The following PLA2R1 variants were observed in gnomAD, a reference collection of about 807,000 sequenced individuals.
PLA2R1 encodes phospholipase A2 receptor 1, also known as secretory phospholipase A2 receptor.
A neutral mutation model predicts 195.9 loss-of-function variants in PLA2R1; 158 were observed. The observed-to-expected ratio is 0.81, with a 90% CI of 0.71 to 0.92. The LOEUF (loss-of-function observed/expected upper bound fraction) is 0.92. PLA2R1 is among the 40% of genes least tolerant of loss of function. The pLI, the probability that PLA2R1 is intolerant of heterozygous loss-of-function variation, is 0.00. For missense variants in PLA2R1, 1,626 were observed against 1,764.6 expected, an observed-to-expected ratio of 0.92 and a Z score of 1.41; for synonymous variants, 586 against 598.2, an observed-to-expected ratio of 0.98 and a Z score of 0.30.
At chr2:159,925,234 TTG>T in the PLA2R1 span, among the ~76,000 whole-genome samples, 6 of 152,032 alleles carry the variant, frequency 3.9e-5, no homozygotes, top group South Asian at 2.1e-4. Flanking sequence ...CATGTCTTAA[TTG>T]TGTTACGGCA....
chr2:159,928,451 G>C (rs1686530368), downstream of PLA2R1, among the ~76,000 whole-genome samples: 1 of 152,148 alleles, frequency 6.6e-6, no homozygotes, highest in South Asian at 2.1e-4. Flanking sequence ...ACTTAACCAA[G>C]GAGGTGAAAG....
At chr2:160,013,414 AT>A in intron 9 of PLA2R1, 39 bp from the exon 10 acceptor site, 2 of 1,126,672 alleles carry the variant, frequency 1.8e-6, no homozygotes, top group Non-Finnish European at 1.3e-6. Context: ...ACACAATCTC[AT>A]TTAGTTAAAT....
At chr2:159,970,935 C>G in intron 17 of PLA2R1, among the ~76,000 whole-genome samples, 1 of 133,666 alleles carries the variant, frequency 7.5e-6, no homozygotes. Context: ...GGGAACATCA[C>G]ACACTGGGGC....
At chr2:159,997,644 T>C (rs1691303863) in intron 11 of PLA2R1, among the ~76,000 whole-genome samples, 1 of 152,088 alleles carries the variant, frequency 6.6e-6, no homozygotes, top group Non-Finnish European at 1.5e-5. Flanking sequence ...GAGTTGTCTG[T>C]GTTGAGCCTC....
Position 159,934,772 on chromosome 2 carries a change from A to T in PLA2R1, c.*7006T>A, listed in dbSNP as rs945527523. The T allele has an allele frequency of 6.6e-6, 1 of 152,194 alleles. No homozygotes were observed. Among genetic ancestry groups the T allele is most frequent in the Non-Finnish European group, 1.5e-5 (1 of 68,030 alleles). 9.4% of individuals were successfully genotyped at this position (152,194 alleles called of 1,614,324 possible). ...TGTACAGCCTCCTTCAGCTTCTTCT[A>T]ATGGTACATCTCATAAAACCATGGT... is the stretch of plus-strand genomic sequence containing the variant. On this transcript the variant is annotated 3_prime_UTR_variant, in exon 30 of 30. Coordinates refer to ENST00000283243, the MANE Select transcript of PLA2R1 (RefSeq NM_007366.5).
intron 8 of PLA2R1, among the ~76,000 whole-genome samples, chr2:160,019,741 C>G (rs894366369): frequency 3.3e-5 from 5 of 152,172 alleles, no homozygotes; most frequent in African/African-American, 4.8e-5. Context: ...TCTTGGTCTG[C>G]CTTTGGGCCT....
At chr2:159,954,614 CAGCATTCAGTAAA>C (rs1386154597) in intron 23 of PLA2R1, among the ~76,000 whole-genome samples, 1 of 151,930 alleles carries the variant, frequency 6.6e-6, no homozygotes, top group East Asian at 1.9e-4. Flanking sequence ...CAGGGATACC[CAGCATTCAGTAAA>C]AGCATGAGCT....
intron 17 of PLA2R1, among the ~76,000 whole-genome samples, chr2:159,971,537 A>G (rs1158058620): frequency 1.3e-5 from 2 of 152,054 alleles, no homozygotes; most frequent in African/African-American, 4.8e-5. Context: ...TGACCCAGGA[A>G]ATTGAAATTC....
In PLA2R1 at chr2:160,039,042, T is replaced by C. The variant is rs571327298; in HGVS notation, c.667+2983A>G. Among the ~76,000 whole-genome samples, 22 of 152,162 alleles carry C rather than the reference T, an allele frequency of 1.4e-4. No homozygotes were observed. The South Asian group carries it at 2.9e-3, about 20-fold the overall frequency. Reference sequence around the variant, plus strand: ...CCACCACACCCAGCTAATTTTGTATTTTTAGTAGAGATGGGATTTCACCAT... The same window carrying C: ...CCACCACACCCAGCTAATTTTGTATCTTTAGTAGAGATGGGATTTCACCAT... On this transcript the variant is annotated intron_variant, in intron 3 of 29. Coordinates refer to ENST00000283243, the MANE Select transcript of PLA2R1 (RefSeq NM_007366.5).
chr2:159,970,255 C>T, intron 17 of PLA2R1, 43 bp from the exon 18 acceptor site: 1 of 1,402,050 alleles, frequency 7.1e-7, no homozygotes, highest in East Asian at 2.3e-5. Context: ...ACTTGTTTTC[C>T]TTTTTCACTA....
At chr2:159,973,928 C>G (rs959851831) in intron 17 of PLA2R1, among the ~76,000 whole-genome samples, 1 of 152,090 alleles carries the variant, frequency 6.6e-6, no homozygotes, top group Non-Finnish European at 1.5e-5. Context: ...ATGGCAGTGG[C>G]TATGATGACT....
intron 4 of PLA2R1, 38 bp from the exon 5 acceptor site, chr2:160,029,001 A>G (rs745363968): frequency 9.3e-7 from 1 of 1,073,438 alleles, no homozygotes; most frequent in South Asian, 1.3e-5. Flanking sequence ...AAAAAAATCC[A>G]GTGTTACACA....
intron 11 of PLA2R1, among the ~76,000 whole-genome samples, chr2:159,995,019 C>A (rs776700399): frequency 4.6e-5 from 7 of 151,918 alleles, no homozygotes; most frequent in Non-Finnish European, 8.8e-5. Flanking sequence ...AAGCTGTAGG[C>A]TTCCTGTTCA....
intron 11 of PLA2R1, among the ~76,000 whole-genome samples, chr2:159,996,066 T>C (rs369007822): frequency 6.6e-6 from 1 of 152,152 alleles, no homozygotes; most frequent in South Asian, 2.1e-4. Flanking sequence ...TGTTATTTGT[T>C]GGATCAATTA....
chr2:159,931,467 G>A (rs1243211154), downstream of PLA2R1, among the ~76,000 whole-genome samples: 1 of 152,170 alleles, frequency 6.6e-6, no homozygotes, highest in East Asian at 1.9e-4. Context: ...CCAGGAGTTT[G>A]ACATTGCAGT....
intron 11 of PLA2R1, among the ~76,000 whole-genome samples, chr2:160,002,170 T>C (rs182515302): frequency 2.1e-4 from 32 of 151,904 alleles, no homozygotes; most frequent in Non-Finnish European, 4.0e-4. Flanking sequence ...CACCTGCATT[T>C]TGGGAAATTA....
At chr2:160,056,201 AGG>A (rs397837789) in intron 1 of PLA2R1, among the ~76,000 whole-genome samples, 3 of 98,322 alleles carry the variant, frequency 3.1e-5, no homozygotes, top group Non-Finnish European at 5.8e-5. Context: ...AGAATGGAAC[AGG>A]GGGAAATGTA....
rs142168965 is a variant in PLA2R1, at chr2:160,059,801, G to A, written c.109+2494C>T. Among the ~76,000 whole-genome samples, 329 of 152,288 alleles carry A rather than the reference G, an allele frequency of 2.2e-3. 2 individuals are homozygous for A. The Middle Eastern group carries it at 0.054, about 25-fold the overall frequency. ...CGTGGCAGCGGCAAGAGAAAGATAA[G>A]GAAGAAGCAAAAGCAGAAACCCTTA... On this transcript the variant is annotated intron_variant, in intron 1 of 29. Coordinates refer to ENST00000283243, the MANE Select transcript of PLA2R1 (RefSeq NM_007366.5).
chr2:160,033,014 C>T lies in PLA2R1; in HGVS notation c.786G>A (p.Met262Ile). Residue 262 changes from methionine (M) to isoleucine (I), a missense_variant, in exon 4 of 30, where the codon ATG (methionine) becomes ATA (isoleucine). By Grantham distance (10) the Met-to-Ile change is conservative. Coordinates refer to ENST00000283243, the MANE Select transcript of PLA2R1 (RefSeq NM_007366.5). ...TAATACTTAACAGCGTACCTCCTTG[C>T]ATCTGGCATGAAGAATGTGCCTCAC... ...SWSEAHSSCQ[M>I]QGGTLLSITD... 6.2e-7 allele frequency: 1 copy of T among 1,613,560 alleles called. No homozygotes were observed. Among genetic ancestry groups the T allele is most frequent in the Non-Finnish European group, 8.5e-7 (1 of 1,179,688 alleles).
Sources: gnomAD v4.1 joint callset for allele counts (sites outside exome capture counted in the v4.1 genomes callset) on GRCh38, gnomAD v4.1.1 for gene constraint, MANE v1.5 for transcripts, NCBI Gene and HGNC (gene_info 2026-07-23, HGNC 2026-07-21) for gene names.